CWC27: variants seen among roughly 807,000 people sequenced by gnomAD.
CWC27 encodes CWC27 spliceosome associated cyclophilin, also known as spliceosome-associated protein CWC27 homolog.
CWC27 carries 47 observed loss-of-function variants against 63.6 expected under a neutral mutation model. The observed-to-expected ratio is 0.74, with a 90% confidence interval of 0.58 to 0.94. The LOEUF is 0.94. CWC27 is among the 40% of genes least tolerant of loss of function. CWC27 has a pLI of 0.00. For missense variants in CWC27, 495 were observed against 554.3 expected, an observed-to-expected ratio of 0.89 and a Z score of 1.07; for synonymous variants, 175 against 179.8, an observed-to-expected ratio of 0.97 and a Z score of 0.22.
chr5:64,805,886 T>C (rs1744650864), intron 10 of CWC27, among the ~76,000 whole-genome samples: 1 of 152,176 alleles, frequency 6.6e-6, no homozygotes, highest in Non-Finnish European at 1.5e-5. Flanking sequence ...GGGTTATTCT[T>C]AAAAGATTTC....
chr5:64,837,498 C>G (rs939982266), intron 10 of CWC27, among the ~76,000 whole-genome samples: 18 of 151,830 alleles, frequency 1.2e-4, no homozygotes, highest in Admixed American at 9.9e-4. Context: ...AGATTCAAAA[C>G]TCATTCTCTT....
In CWC27 at chr5:64,768,989, G is replaced by C. The variant is rs963202058; in HGVS notation, c.-158G>C. On this transcript the variant is annotated 5_prime_UTR_variant, in exon 1 of 14. Transcript: ENST00000381070. ...TCCGTGAGGGGCTCCTTTGGGCAGG[G>C]GTAGTGTTTGGTGTCCCTGTCTTGC... The C allele has an allele frequency of 1.7e-5, 11 of 642,180 alleles. No homozygotes were observed. In the African/African-American group the frequency reaches 2.0e-4, roughly 12 times the overall value. The allele number at this position is 642,180 out of a possible 1,614,324, so 39.8% of individuals were successfully genotyped here. A position where few individuals can be genotyped will look rare whatever the true frequency, so the allele number is the denominator to read the frequency against.
chr5:64,906,288 A>T (rs1267604891), intron 11 of CWC27, among the ~76,000 whole-genome samples: 1 of 152,074 alleles, frequency 6.6e-6, no homozygotes, highest in Non-Finnish European at 1.5e-5. Context: ...TCCCACCAAC[A>T]GTGTAAAAGT....
intron 10 of CWC27, among the ~76,000 whole-genome samples, chr5:64,830,179 C>T (rs1170481048): frequency 5.3e-5 from 8 of 151,538 alleles, no homozygotes; most frequent in African/African-American, 1.5e-4. Flanking sequence ...TCCCCCGGCC[C>T]CCCATGACAG....
chr5:64,924,479 A>G (rs539328479), intron 11 of CWC27, among the ~76,000 whole-genome samples: 1 of 152,190 alleles, frequency 6.6e-6, no homozygotes, highest in Non-Finnish European at 1.5e-5. Context: ...TATGTAATCT[A>G]CGTCTCTGTT....
chr5:65,009,098 C>T (rs1340956161), intron 13 of CWC27, among the ~76,000 whole-genome samples: 1 of 152,154 alleles, frequency 6.6e-6, no homozygotes, highest in Non-Finnish European at 1.5e-5. Flanking sequence ...CAGGCTGCTT[C>T]CACTCATGGT....
intron 11 of CWC27, among the ~76,000 whole-genome samples, chr5:64,891,837 C>T (rs892838901): frequency 2.0e-5 from 3 of 151,448 alleles, no homozygotes; most frequent in South Asian, 4.2e-4. Flanking sequence ...CTCTGTCTCC[C>T]AGGTTGGAGT....
intron 11 of CWC27, among the ~76,000 whole-genome samples, chr5:64,932,952 C>G (rs1221621795): frequency 6.6e-6 from 1 of 152,160 alleles, no homozygotes; most frequent in Non-Finnish European, 1.5e-5. Flanking sequence ...TATTATTCCT[C>G]TTTTCACAAA....
intron 1 of CWC27, among the ~76,000 whole-genome samples, chr5:64,774,461 T>G (rs946618102): frequency 6.6e-6 from 1 of 152,250 alleles, no homozygotes; most frequent in Non-Finnish European, 1.5e-5. Flanking sequence ...ATGCTATTGT[T>G]TTCTTAAATC....
In CWC27 at chr5:65,018,369, G is replaced by A. The variant is rs767068414; in HGVS notation, c.*48G>A. On this transcript the variant is annotated 3_prime_UTR_variant, in exon 14 of 14. Coordinates refer to ENST00000381070, the MANE Select transcript of CWC27 (RefSeq NM_005869.4). ...ACTTGCTGGAAATGTGCCTACAATG[G>A]CCTTGTAACAGCCATTGTTCCCAAC... The A allele has an allele frequency of 1.3e-5, 19 of 1,491,024 alleles. No homozygotes were observed. The highest frequency in any genetic ancestry group is 4.9e-4 in the Middle Eastern group (2 of 4,118). 92.4% of individuals were successfully genotyped at this position (1,491,024 alleles called of 1,614,324 possible).
At chr5:64,880,080 A>T (rs943557821) in intron 10 of CWC27, among the ~76,000 whole-genome samples, 3 of 151,862 alleles carry the variant, frequency 2.0e-5, no homozygotes, top group African/African-American at 7.2e-5. Flanking sequence ...CTTATCTTTC[A>T]CATCACAGTT....
chr5:64,961,340 G>A (rs1748904811), intron 11 of CWC27, among the ~76,000 whole-genome samples: 1 of 152,108 alleles, frequency 6.6e-6, no homozygotes, highest in Non-Finnish European at 1.5e-5. Context: ...CTACTTCCTA[G>A]CTCTTGTGCT....
intron 11 of CWC27, among the ~76,000 whole-genome samples, chr5:64,917,730 G>A (rs780261350): frequency 3.3e-5 from 5 of 152,110 alleles, no homozygotes; most frequent in African/African-American, 4.8e-5. Context: ...TTCCTTCTCA[G>A]ACTCAACCAA....
At chr5:64,832,156 C>A (rs190812227) in intron 10 of CWC27, among the ~76,000 whole-genome samples, 22 of 151,958 alleles carry the variant, frequency 1.4e-4, no homozygotes, top group African/African-American at 5.1e-4. Context: ...TTAAATGAAT[C>A]TTTTACCCAT....
intron 13 of CWC27, among the ~76,000 whole-genome samples, chr5:64,983,017 G>A (rs1749357001): frequency 6.6e-6 from 1 of 152,024 alleles, no homozygotes; most frequent in Non-Finnish European, 1.5e-5. Flanking sequence ...AATGACTGAT[G>A]GTCTGAAACA....
At chr5:64,813,492 G>A (rs1744945114) in intron 10 of CWC27, among the ~76,000 whole-genome samples, 2 of 152,126 alleles carry the variant, frequency 1.3e-5, no homozygotes, top group South Asian at 2.1e-4. Context: ...GCAGTGAAAT[G>A]CACATGTGGG....
intron 11 of CWC27, among the ~76,000 whole-genome samples, chr5:64,922,697 C>T (rs1318209221): frequency 6.6e-6 from 1 of 152,190 alleles, no homozygotes; most frequent in Non-Finnish European, 1.5e-5. Context: ...AACACTCTGA[C>T]TGTTAGAGTT....
intron 10 of CWC27, among the ~76,000 whole-genome samples, chr5:64,834,090 C>T (rs909375934): frequency 2.0e-5 from 3 of 148,108 alleles, no homozygotes; most frequent in African/African-American, 4.9e-5. Flanking sequence ...TCATGCCCCT[C>T]GCTTTTTTTT....
chr5:64,804,081 A>T, intron 9 of CWC27, 148 bp from the exon 10 acceptor site: 1 of 689,846 alleles, frequency 1.4e-6, no homozygotes. Flanking sequence ...AGATTCTTCA[A>T]GGGCTTATAA....
Sources: gnomAD v4.1 joint callset for allele counts (sites outside exome capture counted in the v4.1 genomes callset) on GRCh38, gnomAD v4.1.1 for gene constraint, MANE v1.5 for transcripts, NCBI Gene and HGNC (gene_info 2026-07-23, HGNC 2026-07-21) for gene names.